The following MSRB3 variants were observed in gnomAD, a reference collection of about 807,000 sequenced individuals.
The protein encoded by MSRB3 is methionine sulfoxide reductase B3.
Under a neutral mutation model 21.0 loss-of-function variants are expected in MSRB3, and 13 were observed. The observed-to-expected ratio is 0.62, with a 90% CI of 0.40 to 0.98. The LOEUF is 0.98. MSRB3 is among the 50% of genes least tolerant of loss of function. MSRB3 has a pLI of 0.00. For synonymous variants in MSRB3, 87 were observed against 88.6 expected (o/e 0.98, Z 0.10); for missense variants, 199 against 230.3 (o/e 0.86, Z 0.88).
chr12:65,433,576 A>G (rs908217051), intron 5 of MSRB3, among the ~76,000 whole-genome samples: 1 of 151,700 alleles, frequency 6.6e-6, no homozygotes, highest in East Asian at 1.9e-4. Context: ...GGGAATTATC[A>G]CTCTGGCCTT....
chr12:65,349,706 T>G (rs886208492), intron 4 of MSRB3, among the ~76,000 whole-genome samples: 2 of 150,056 alleles, frequency 1.3e-5, no homozygotes, highest in African/African-American at 5.1e-5. Context: ...ATAAATGTCT[T>G]CTTTTGAGAA....
At chr12:65,308,679 T>C (rs1370381929) in intron 2 of MSRB3, 24 bp downstream of exon 2, 1 of 1,613,588 alleles carries the variant, frequency 6.2e-7, no homozygotes, top group South Asian at 1.1e-5. Flanking sequence ...GTACTGTACA[T>C]AGTGAAGGCA....
chr12:65,303,243 A>G (rs2136414863), intron 1 of MSRB3, among the ~76,000 whole-genome samples: 1 of 152,318 alleles, frequency 6.6e-6, no homozygotes, highest in Admixed American at 6.5e-5. Flanking sequence ...TGAGTTCTCT[A>G]GATTCCTTTT....
intron 5 of MSRB3, among the ~76,000 whole-genome samples, chr12:65,376,708 A>T (rs1234320238): frequency 1.3e-5 from 2 of 152,318 alleles, no homozygotes; most frequent in Non-Finnish European, 2.9e-5. Flanking sequence ...GAGGGATAGC[A>T]TTAGGAGAAA....
At chr12:65,446,356 CCA>C (rs1024351723) in intron 5 of MSRB3, among the ~76,000 whole-genome samples, 1 of 152,126 alleles carries the variant, frequency 6.6e-6, no homozygotes, top group African/African-American at 2.4e-5. Flanking sequence ...CCGTTTTTAG[CCA>C]CAGAGTTAAA....
intron 4 of MSRB3, among the ~76,000 whole-genome samples, chr12:65,340,564 G>C (rs559842273): frequency 5.7e-4 from 87 of 151,928 alleles, no homozygotes; most frequent in African/African-American, 2.0e-3. Context: ...AAAATCAAAG[G>C]CAAGGAGAAA....
intron 5 of MSRB3, among the ~76,000 whole-genome samples, chr12:65,378,114 GC>G (rs1403155984): frequency 6.6e-6 from 1 of 152,056 alleles, no homozygotes; most frequent in Non-Finnish European, 1.5e-5. Flanking sequence ...ACGTTGACTA[GC>G]CCAGTGCTTA....
At chr12:65,393,244 T>C (rs1253666295) in intron 5 of MSRB3, among the ~76,000 whole-genome samples, 1 of 152,212 alleles carries the variant, frequency 6.6e-6, no homozygotes, top group Non-Finnish European at 1.5e-5. Flanking sequence ...AAATATAATA[T>C]AGCTGAATTT....
At chr12:65,395,968 T>C (rs1461716517) in intron 5 of MSRB3, among the ~76,000 whole-genome samples, 2 of 152,178 alleles carry the variant, frequency 1.3e-5, no homozygotes, top group South Asian at 2.1e-4. Flanking sequence ...TTGGTTTTAC[T>C]GATTTTCTCT....
chr12:65,446,671 G>T (rs1163677189), intron 5 of MSRB3, among the ~76,000 whole-genome samples: 3 of 152,096 alleles, frequency 2.0e-5, no homozygotes, highest in African/African-American at 7.2e-5. Flanking sequence ...GAAATCCATT[G>T]CAAAGAGAAT....
chr12:65,409,567 T>G (rs1880609757), intron 5 of MSRB3, among the ~76,000 whole-genome samples: 2 of 152,174 alleles, frequency 1.3e-5, no homozygotes, highest in Non-Finnish European at 1.5e-5. Context: ...TGTCATTATG[T>G]GGCATTATGA....
intron 5 of MSRB3, among the ~76,000 whole-genome samples, chr12:65,387,312 G>C (rs1159645713): frequency 6.6e-6 from 1 of 152,052 alleles, no homozygotes; most frequent in African/African-American, 2.4e-5. Flanking sequence ...TTTCACCACT[G>C]TGTGTAGTAT....
intron 4 of MSRB3, among the ~76,000 whole-genome samples, chr12:65,364,344 G>A (rs1047576296): frequency 5.3e-5 from 8 of 152,108 alleles, no homozygotes; most frequent in Admixed American, 4.6e-4. Context: ...AAATTAAAAG[G>A]GGGAGGATGA....
At chr12:65,398,710 G>T (rs191251941) in intron 5 of MSRB3, among the ~76,000 whole-genome samples, 4 of 152,250 alleles carry the variant, frequency 2.6e-5, no homozygotes, top group Admixed American at 2.6e-4. Flanking sequence ...GTATTGCCTA[G>T]ATTTCCTTCT....
At chr12:65,293,680 A>C (rs73117792) in intron 1 of MSRB3, among the ~76,000 whole-genome samples, 1 of 152,150 alleles carries the variant, frequency 6.6e-6, no homozygotes, top group Non-Finnish European at 1.5e-5. Context: ...CTCTGCTTCT[A>C]TGTCATCCTT....
chr12:65,308,573 C>G lies in MSRB3; in HGVS notation c.-7C>G. 6.2e-7 allele frequency: 1 copy of G among 1,613,846 alleles called. No homozygotes were observed. The highest frequency in any genetic ancestry group is 8.5e-7 in the Non-Finnish European group (1 of 1,179,830). On this transcript the variant is annotated 5_prime_UTR_variant, in exon 2 of 7. The change creates a new upstream start codon in the 5' untranslated region. Coordinates refer to ENST00000308259, the MANE Select transcript of MSRB3 (RefSeq NM_001031679.3). The stretch of plus-strand genomic sequence containing the variant: ...CTTCTCGTTTTGTTGGTGAAGATAT[C>G]ACAGTGATGTCTGCATTCAACCTGC...
chr12:65,387,951 CAA>C (rs1189441003), intron 5 of MSRB3, among the ~76,000 whole-genome samples: 1 of 151,812 alleles, frequency 6.6e-6, no homozygotes, highest in Non-Finnish European at 1.5e-5. Context: ...TTCTTCACAA[CAA>C]AGAGTATAAA....
intron 5 of MSRB3, among the ~76,000 whole-genome samples, chr12:65,413,438 C>G (rs765641451): frequency 6.6e-6 from 1 of 152,130 alleles, no homozygotes; most frequent in Non-Finnish European, 1.5e-5. Context: ...GCCTGACAGC[C>G]CTCAGTAAAG....
At chr12:65,350,573 C>T (rs1405577343) in intron 4 of MSRB3, among the ~76,000 whole-genome samples, 39 of 150,914 alleles carry the variant, frequency 2.6e-4, no homozygotes, top group Middle Eastern at 3.4e-3. Context: ...ACCCATCTCA[C>T]GTGCAGAGAC....
Sources: allele counts gnomAD v4.1 joint callset (sites outside exome capture counted in the v4.1 genomes callset), GRCh38; gene constraint gnomAD v4.1.1; transcripts MANE v1.5; gene names NCBI Gene and HGNC (gene_info 2026-07-23, HGNC 2026-07-21).